Variants in NBAS observed in about 807,000 individuals in gnomAD.
The protein encoded by NBAS is NAG/BC035112 fusion.
Under a neutral mutation model 302.5 loss-of-function variants are expected in NBAS, and 219 were observed. The ratio of observed to expected loss-of-function variants is 0.72; its 90% CI spans 0.65 to 0.81. The LOEUF (loss-of-function observed/expected upper bound fraction) is 0.81, where lower values mean the gene tolerates loss of function less well. Among genes scored for constraint, NBAS ranks in the 30% least tolerant of loss-of-function variants. NBAS has a pLI of 0.00. For synonymous variants in NBAS, 1,118 were observed against 1,021.6 expected (o/e 1.09, Z -1.80); for missense variants, 2,932 against 2,841.6 (o/e 1.03, Z -0.72).
At chr2:15,415,469 A>G (rs911808709) in intron 25 of NBAS, 77 bp downstream of exon 25, 1 of 1,312,432 alleles carries the variant, frequency 7.6e-7, no homozygotes, top group Non-Finnish European at 1.1e-6. Context: ...AAAGCCTACC[A>G]TAAAAATTGT....
intron 51 of NBAS, among the ~76,000 whole-genome samples, chr2:15,170,553 G>T (rs1664249959): frequency 6.6e-6 from 1 of 152,166 alleles, no homozygotes; most frequent in Admixed American, 6.5e-5. Context: ...AGGAATTTTG[G>T]GTTTGGCTTC....
chr2:15,477,158 G>A (rs78560970), intron 13 of NBAS, among the ~76,000 whole-genome samples: 2,033 of 152,266 alleles, frequency 0.013, 35 homozygotes, highest in East Asian at 0.059. Context: ...TCAAAAATAC[G>A]TCTGGATGAA....
the NBAS span, among the ~76,000 whole-genome samples, chr2:14,810,869 T>G: frequency 6.6e-6 from 1 of 152,128 alleles, no homozygotes; most frequent in Non-Finnish European, 1.5e-5. Flanking sequence ...GATTCTGACT[T>G]TAAAAAAAAA....
chr2:14,878,246 C>G, the NBAS span, among the ~76,000 whole-genome samples: 1 of 152,146 alleles, frequency 6.6e-6, no homozygotes, highest in Non-Finnish European at 1.5e-5. Flanking sequence ...GGGGAATGTT[C>G]TCAAGAGCAC....
At chr2:15,316,944 G>A (rs1315732059) in intron 38 of NBAS, among the ~76,000 whole-genome samples, 1 of 152,216 alleles carries the variant, frequency 6.6e-6, no homozygotes, top group East Asian at 1.9e-4. Flanking sequence ...CTGACCCCGT[G>A]TAGCCTAACT....
At chr2:15,553,955 CAA>C (rs1453309362) in intron 4 of NBAS, 104 bp downstream of exon 4, 15 of 903,290 alleles carry the variant, frequency 1.7e-5, no homozygotes, top group Non-Finnish European at 2.6e-5. Context: ...AATTTACACA[CAA>C]TAAAAATCAA....
At chr2:15,287,788 C>T (rs1427317936) in intron 41 of NBAS, among the ~76,000 whole-genome samples, 1 of 151,716 alleles carries the variant, frequency 6.6e-6, no homozygotes, top group Non-Finnish European at 1.5e-5. Flanking sequence ...CCCGCATAAA[C>T]ATCCTGAGCA....
intron 40 of NBAS, among the ~76,000 whole-genome samples, chr2:15,293,032 C>T (rs1190600544): frequency 2.0e-5 from 3 of 151,832 alleles, no homozygotes; most frequent in Non-Finnish European, 4.4e-5. Context: ...TCAAAACCTC[C>T]GAACACTTAA....
the NBAS span, among the ~76,000 whole-genome samples, chr2:14,881,401 C>G: frequency 1.1e-4 from 17 of 152,286 alleles, no homozygotes; most frequent in African/African-American, 3.8e-4. Context: ...CAAAAATTAT[C>G]TGTTGGGAGC....
At chr2:15,358,203 G>C (rs561505609) in intron 32 of NBAS, among the ~76,000 whole-genome samples, 1 of 151,928 alleles carries the variant, frequency 6.6e-6, no homozygotes, top group Non-Finnish European at 1.5e-5. Context: ...CAGCCCAGCC[G>C]GCATACTTTA....
At chr2:15,179,656 G>C (rs1250988714) in intron 50 of NBAS, 2 of 156,124 alleles carry the variant, frequency 1.3e-5, no homozygotes, top group African/African-American at 4.8e-5. Flanking sequence ...ATTTTAAAAT[G>C]TATCTATCAT....
the NBAS span, among the ~76,000 whole-genome samples, chr2:14,859,561 G>T: frequency 6.6e-6 from 1 of 151,912 alleles, no homozygotes; most frequent in Non-Finnish European, 1.5e-5. Flanking sequence ...CTTCAACAAA[G>T]GTACCAAGAA....
chr2:15,488,787 G>T (rs868425046), intron 12 of NBAS, 107 bp downstream of exon 12: 2 of 1,397,034 alleles, frequency 1.4e-6, no homozygotes, highest in African/African-American at 1.4e-5. Context: ...GCTTTGGAAC[G>T]ATGAGAATAA....
intron 44 of NBAS, among the ~76,000 whole-genome samples, chr2:15,247,979 C>A (rs1668182220): frequency 6.6e-6 from 1 of 152,116 alleles, no homozygotes; most frequent in Non-Finnish European, 1.5e-5. Flanking sequence ...AAACTCTCCA[C>A]CCCAAATCAA....
chr2:15,156,668 C>T, the NBAS span, among the ~76,000 whole-genome samples: 558 of 152,284 alleles, frequency 3.7e-3, 4 homozygotes, highest in African/African-American at 0.013. Flanking sequence ...CTCTGAATAC[C>T]ATCATCTTTG....
chr2:15,015,397 C>T, the NBAS span, among the ~76,000 whole-genome samples: 2 of 152,064 alleles, frequency 1.3e-5, no homozygotes, highest in Non-Finnish European at 2.9e-5. Flanking sequence ...CAACAAAATA[C>T]TAGCAACCTG....
the NBAS span, among the ~76,000 whole-genome samples, chr2:15,058,192 C>T: frequency 9.9e-5 from 15 of 152,172 alleles, no homozygotes; most frequent in Admixed American, 9.8e-4. Flanking sequence ...CAGTGGTTCT[C>T]AATGCAGAGC....
chr2:15,497,191 T>C (rs904407807), intron 11 of NBAS, among the ~76,000 whole-genome samples: 6 of 152,290 alleles, frequency 3.9e-5, no homozygotes, highest in African/African-American at 1.4e-4. Context: ...TTTTGGATAA[T>C]GTTAAGCATT....
the NBAS span, among the ~76,000 whole-genome samples, chr2:14,832,593 C>T: frequency 2.0e-5 from 3 of 152,150 alleles, no homozygotes; most frequent in African/African-American, 7.2e-5. Flanking sequence ...ATCCCAGCCT[C>T]CTGGGATACT....
Sources: allele counts gnomAD v4.1 joint callset (sites outside exome capture counted in the v4.1 genomes callset), GRCh38; gene constraint gnomAD v4.1.1; transcripts MANE v1.5; gene names NCBI Gene and HGNC (gene_info 2026-07-23, HGNC 2026-07-21).